The following DNAH8 variants were observed in gnomAD, a reference collection of about 807,000 sequenced individuals.
The protein encoded by DNAH8 is dynein axonemal heavy chain 8.
Under a neutral mutation model 562.1 loss-of-function variants are expected in DNAH8, and 382 were observed. The ratio of observed to expected loss-of-function variants is 0.68; its 90% CI spans 0.63 to 0.74. DNAH8 has a LOEUF of 0.74. Among genes scored for constraint, DNAH8 ranks in the 30% least tolerant of loss-of-function variants. DNAH8 has a pLI of 0.00. For missense variants in DNAH8, 5,203 were observed against 5,620.4 expected (o/e 0.93, Z 2.37); for synonymous variants, 1,881 against 1,919.4 (o/e 0.98, Z 0.52).
At chr6:38,995,948 A>G (rs1047519106) in intron 88 of DNAH8, among the ~76,000 whole-genome samples, 6 of 152,232 alleles carry the variant, frequency 3.9e-5, no homozygotes, top group African/African-American at 1.2e-4. Context: ...AACAGTGGTT[A>G]TACTGTTATA....
chr6:38,832,862 G>A (rs1170065111), intron 31 of DNAH8, among the ~76,000 whole-genome samples: 1 of 151,886 alleles, frequency 6.6e-6, no homozygotes, highest in African/African-American at 2.4e-5. Flanking sequence ...CTGTTAAAAG[G>A]AGCAACAACT....
At chr6:38,737,662 GTAAT>G in intron 6 of DNAH8, 143 bp from the exon 7 acceptor site, 1 of 278,380 alleles carries the variant, frequency 3.6e-6, no homozygotes, top group Non-Finnish European at 6.2e-6. Flanking sequence ...TAACATTTCA[GTAAT>G]TAGAGCTTAA....
intron 80 of DNAH8, among the ~76,000 whole-genome samples, chr6:38,949,054 T>C (rs1447692193): frequency 6.6e-6 from 1 of 151,648 alleles, no homozygotes; most frequent in Non-Finnish European, 1.5e-5. Flanking sequence ...AGGACCCGGG[T>C]GGAGGGTGCT....
chr6:39,004,260 T>C (rs1329500991), intron 88 of DNAH8, among the ~76,000 whole-genome samples: 1 of 152,074 alleles, frequency 6.6e-6, no homozygotes, highest in Non-Finnish European at 1.5e-5. Context: ...CTTTCCTTTC[T>C]CTTAGATAAC....
In DNAH8 at chr6:38,722,921, A is replaced by C. The variant is rs778551218; in HGVS notation, c.112A>C (p.Thr38Pro). 1 of 1,612,466 alleles carries C rather than the reference A, an allele frequency of 6.2e-7. No individual in the cohort carries two copies. Among genetic ancestry groups the C allele is most frequent in the Non-Finnish European group, 8.5e-7 (1 of 1,179,636 alleles). ...SEEEEAPRPP[T>P]VEAPAEDGFS... ...AGAGGAAGAGGCCCCGCGCCCTCCGACAGTGGAGGCCCCGGCAGAAGATGG... is the reference window on the plus strand; with the variant it reads ...AGAGGAAGAGGCCCCGCGCCCTCCGCCAGTGGAGGCCCCGGCAGAAGATGG... The change falls in exon 2 of 93, where the codon ACA (threonine) becomes CCA (proline). Residue 38 changes from threonine (T) to proline (P), a missense_variant. Physicochemically the swap from Thr to Pro is conservative, Grantham distance 38 (BLOSUM62 -1). Coordinates refer to ENST00000327475, the MANE Select transcript of DNAH8 (RefSeq NM_001206927.2).
chr6:38,787,546 C>T (rs761342578), intron 18 of DNAH8, among the ~76,000 whole-genome samples: 15 of 151,286 alleles, frequency 9.9e-5, no homozygotes, highest in Admixed American at 2.6e-4. Flanking sequence ...GCTAACATGA[C>T]GAAACTGGGT....
intron 84 of DNAH8, 76 bp downstream of exon 84, chr6:38,973,889 A>G (rs1763504413): frequency 8.0e-7 from 1 of 1,252,988 alleles, no homozygotes; most frequent in African/African-American, 1.5e-5. Flanking sequence ...AAAGATGGGA[A>G]CACAACAGGG....
Position 38,935,706 on chromosome 6 carries a change from T to C in DNAH8, c.11563+9T>C. 1 of 1,572,902 alleles carries C rather than the reference T, an allele frequency of 6.4e-7. No individual in the cohort carries two copies. Reference sequence around the variant, plus strand: ...ATTAAGTGCTACAAAAGGTATTGTGTTATTAAGAAGTAATGAAATAACGGA... The same window carrying C: ...ATTAAGTGCTACAAAAGGTATTGTGCTATTAAGAAGTAATGAAATAACGGA... On this transcript the variant is annotated intron_variant, in intron 77 of 92. Transcript: ENST00000327475.
At chr6:38,779,361 GTCTC>G (rs920102396) in intron 14 of DNAH8, among the ~76,000 whole-genome samples, 2 of 152,166 alleles carry the variant, frequency 1.3e-5, no homozygotes, top group South Asian at 2.1e-4. Context: ...TTCTGTCTCT[GTCTC>G]TCTATTTCTC....
intron 41 of DNAH8, among the ~76,000 whole-genome samples, chr6:38,854,046 A>G (rs1296775799): frequency 6.0e-5 from 9 of 150,664 alleles, no homozygotes; most frequent in African/African-American, 2.5e-5. Flanking sequence ...GTGTATATAT[A>G]TATGTATATA....
At chr6:38,908,204 G>T (rs1583323251) in intron 64 of DNAH8, 84 bp downstream of exon 64, 2 of 723,792 alleles carry the variant, frequency 2.8e-6, no homozygotes, top group Admixed American at 3.7e-5. Context: ...ATTAGAAAAT[G>T]ATCTTAGAAA....
chr6:38,945,396 A>G (rs879844127), intron 79 of DNAH8, 71 bp from the exon 80 acceptor site: 11 of 1,517,860 alleles, frequency 7.2e-6, no homozygotes, highest in Non-Finnish European at 9.9e-6. Context: ...TGCTTTTATT[A>G]TTTGAAAAGT....
intron 53 of DNAH8, among the ~76,000 whole-genome samples, chr6:38,881,676 C>T (rs2077030): frequency 0.28 from 42,968 of 151,480 alleles, 7,211 homozygotes; most frequent in East Asian, 0.81. Flanking sequence ...CTCAGCCTCC[C>T]GAGTAGCTGG....
At chr6:38,949,678 G>T in intron 81 of DNAH8, 108 bp downstream of exon 81, 1 of 659,962 alleles carries the variant, frequency 1.5e-6, no homozygotes, top group Non-Finnish European at 2.6e-6. Flanking sequence ...TGAAAGTAAC[G>T]GCAAAAACCG....
At chr6:38,918,235 A>C in intron 70 of DNAH8, 95 bp downstream of exon 70, 1 of 836,734 alleles carries the variant, frequency 1.2e-6, no homozygotes. Flanking sequence ...GTTTAGACCA[A>C]TAAAGGTAGA....
At chr6:38,847,843 A>G (rs774761071) in intron 36 of DNAH8, among the ~76,000 whole-genome samples, 2 of 152,016 alleles carry the variant, frequency 1.3e-5, no homozygotes. Flanking sequence ...CATCCATTCT[A>G]TTTCTTGTCC....
At chr6:38,907,392 G>A (rs1780561569) in intron 63 of DNAH8, among the ~76,000 whole-genome samples, 1 of 152,154 alleles carries the variant, frequency 6.6e-6, no homozygotes, top group South Asian at 2.1e-4. Flanking sequence ...TTCCTAGAAG[G>A]AAAGCAGATA....
chr6:38,995,428 A>C (rs1362798313), intron 88 of DNAH8, among the ~76,000 whole-genome samples: 1 of 152,200 alleles, frequency 6.6e-6, no homozygotes, highest in Non-Finnish European at 1.5e-5. Context: ...CTTTGTAAAA[A>C]TGTGGAAGTT....
intron 22 of DNAH8, among the ~76,000 whole-genome samples, chr6:38,805,132 A>C (rs925435953): frequency 3.9e-5 from 6 of 152,224 alleles, no homozygotes; most frequent in African/African-American, 1.4e-4. Context: ...GTTTCATCAC[A>C]AGCGTCAAAA....
Sources: gnomAD v4.1 joint callset for allele counts (sites outside exome capture counted in the v4.1 genomes callset) on GRCh38, gnomAD v4.1.1 for gene constraint, MANE v1.5 for transcripts, NCBI Gene and HGNC (gene_info 2026-07-23, HGNC 2026-07-21) for gene names.